Variants in KAZN observed in about 807,000 individuals in gnomAD.
KAZN encodes the protein kazrin.
Under a neutral mutation model 87.4 loss-of-function variants are expected in KAZN, and 40 were observed. The observed-to-expected ratio is 0.46, with a 90% CI of 0.36 to 0.60. The LOEUF (loss-of-function observed/expected upper bound fraction) is 0.60, where lower values mean the gene tolerates loss of function less well. KAZN is among the 20% of genes least tolerant of loss of function. The pLI is 0.00. For missense variants in KAZN, 898 were observed against 1,073.9 expected, an observed-to-expected ratio of 0.84 and a Z score of 2.29; for synonymous variants, 466 against 458.3, an observed-to-expected ratio of 1.02 and a Z score of -0.22.
intron 1 of KAZN, among the ~76,000 whole-genome samples, chr1:14,026,638 T>TA (rs1641084493): frequency 6.6e-6 from 1 of 152,186 alleles, no homozygotes; most frequent in Non-Finnish European, 1.5e-5. Flanking sequence ...TCTTAGCCTT[T>TA]AATGTGCTTA....
Position 14,168,581 on chromosome 1 carries a change from A to C in KAZN, c.92-11854A>C, listed in dbSNP as rs943335661. 9.2e-5 allele frequency among the ~76,000 whole-genome samples: 14 copies of C among 152,220 alleles called. 1 individual carries two copies. The highest frequency in any genetic ancestry group is 4.4e-5 in the Non-Finnish European group (3 of 68,016). ...GCTTCCTCATGGCAACAGTGGATGG[A>C]GATGATGCTACCCATTACAGGCTAT... On this transcript the variant is annotated intron_variant, in intron 1 of 16. Coordinates refer to the KAZN transcript ENST00000636203.
chr1:14,962,465 A>T (rs1164276017), intron 2 of KAZN, among the ~76,000 whole-genome samples: 2 of 152,150 alleles, frequency 1.3e-5, no homozygotes, highest in Non-Finnish European at 2.9e-5. Context: ...CTTTTCCTCT[A>T]TGCAGCCACC....
Position 15,024,415 on chromosome 1 carries a change from G to T in KAZN, c.419-10334G>T, listed in dbSNP as rs556476996. On this transcript the variant is annotated intron_variant, in intron 2 of 14. Coordinates refer to ENST00000376030, the MANE Select transcript of KAZN (RefSeq NM_201628.3). Reference sequence around the variant, plus strand: ...ACGGTCAACCCTTTTGAACATTTTTGTTCCAAAAGGAAGAAGAGAAATGGA... The same window carrying T: ...ACGGTCAACCCTTTTGAACATTTTTTTTCCAAAAGGAAGAAGAGAAATGGA... Among the ~76,000 whole-genome samples the T allele has an allele frequency of 6.2e-4, 94 of 152,360 alleles. 1 individual carries two copies. Among genetic ancestry groups the T allele is most frequent in the African/African-American group, 1.9e-3 (79 of 41,590 alleles).
In KAZN at chr1:14,223,352, G is replaced by C. The variant is rs532182914; in HGVS notation, c.249+42760G>C. Among the ~76,000 whole-genome samples the C allele has an allele frequency of 3.6e-4, 55 of 152,274 alleles. 1 individual carries two copies. Among genetic ancestry groups the C allele is most frequent in the African/African-American group, 1.2e-3 (50 of 41,562 alleles). The stretch of plus-strand genomic sequence containing the variant: ...TATAGTAGGCTTTTTCCTGGCACAG[G>C]CTGTGATCCCAGTGCCAATGCCTAA... On this transcript the variant is annotated intron_variant, in intron 2 of 16. Transcript: ENST00000636203.
chr1:14,494,709 T>C (rs989333206), intron 2 of KAZN, among the ~76,000 whole-genome samples: 1 of 152,136 alleles, frequency 6.6e-6, no homozygotes, highest in Admixed American at 6.6e-5. Context: ...AAAACCAAAA[T>C]CTCCAGGAAG....
chr1:15,108,379 C>A (rs916703782), intron 13 of KAZN, among the ~76,000 whole-genome samples: 2 of 152,206 alleles, frequency 1.3e-5, no homozygotes, highest in African/African-American at 4.8e-5. Context: ...TGGGACCCAG[C>A]GGGGCCTTTG....
intron 1 of KAZN, among the ~76,000 whole-genome samples, chr1:14,015,672 A>G (rs1183249728): frequency 6.8e-6 from 1 of 148,092 alleles, no homozygotes; most frequent in Admixed American, 6.7e-5. Context: ...GCACTTTGGG[A>G]GGCTGAGGCA....
At chr1:14,682,327 G>A (rs1217871054) in intron 1 of KAZN, among the ~76,000 whole-genome samples, 1 of 147,840 alleles carries the variant, frequency 6.8e-6, no homozygotes, top group Non-Finnish European at 1.5e-5. Flanking sequence ...TTGCTCGGTT[G>A]CTCAGGGTGG....
intron 1 of KAZN, among the ~76,000 whole-genome samples, chr1:14,916,317 G>A (rs372453158): frequency 1.3e-5 from 2 of 151,910 alleles, no homozygotes; most frequent in Non-Finnish European, 2.9e-5. Context: ...TTACAGGTGT[G>A]TGCCACCATG....
chr1:14,304,715 C>T (rs1654797163), intron 2 of KAZN: 2 of 398,132 alleles, frequency 5.0e-6, no homozygotes, highest in Non-Finnish European at 4.4e-6. Flanking sequence ...TATAACCACT[C>T]GAAATCTCTT....
At chr1:14,943,007 GGTGTGT>G (rs58102946) in intron 1 of KAZN, among the ~76,000 whole-genome samples, 4,645 of 100,744 alleles carry the variant, frequency 0.046, 206 homozygotes, top group African/African-American at 0.098. Context: ...GTGTGTGTGT[GGTGTGT>G]GTGTGTGTGT....
chr1:14,708,000 A>G (rs1010621484), intron 1 of KAZN, among the ~76,000 whole-genome samples: 2 of 94,078 alleles, frequency 2.1e-5, no homozygotes, highest in Admixed American at 1.2e-4. Flanking sequence ...GAACGGTAAG[A>G]AAGTGTTCAT....
rs1341040387 is a variant in KAZN at position 14,949,569 on chromosome 1, C to T, written c.227-11115C>T. Among the ~76,000 whole-genome samples, 2 of 152,338 alleles carry T rather than the reference C, an allele frequency of 1.3e-5. No homozygotes were observed. The highest frequency in any genetic ancestry group is 1.9e-4 in the East Asian group (1 of 5,184). ...ATGGTGTTTTTCGAGATTCACATTC[C>T]TCCTGGTGCCAGAAGCACCTGCCAA... On this transcript the variant is annotated intron_variant, in intron 1 of 14. Transcript: ENST00000376030. This position sits in a 1 kb window ranked among gnomAD's most constrained non-coding sequence, Gnocchi z 4.3.
chr1:14,842,421 A>T (rs1225791939), intron 1 of KAZN, among the ~76,000 whole-genome samples: 2 of 152,182 alleles, frequency 1.3e-5, no homozygotes, highest in African/African-American at 2.4e-5. Context: ...GAGAAGACTG[A>T]GGGTCTTGCC....
chr1:14,806,829 A>G (rs974197293), intron 1 of KAZN, among the ~76,000 whole-genome samples: 1 of 152,182 alleles, frequency 6.6e-6, no homozygotes, highest in African/African-American at 2.4e-5. Context: ...TTGAATCCAG[A>G]TAGTCTGGGT....
At chr1:14,523,097 C>T (rs147336725) in intron 2 of KAZN, among the ~76,000 whole-genome samples, 142 of 152,270 alleles carry the variant, frequency 9.3e-4, no homozygotes, top group East Asian at 9.1e-3. Flanking sequence ...GTTGAGGCTG[C>T]GGCTTCCACA....
chr1:14,199,020 T>C (rs914893971), intron 2 of KAZN, among the ~76,000 whole-genome samples: 1 of 152,068 alleles, frequency 6.6e-6, no homozygotes, highest in East Asian at 1.9e-4. Flanking sequence ...GTTTGAGAGA[T>C]AGTCTGGAAG....
At chr1:14,781,286 C>T (rs982476058) in intron 1 of KAZN, among the ~76,000 whole-genome samples, 3 of 152,170 alleles carry the variant, frequency 2.0e-5, no homozygotes, top group Non-Finnish European at 4.4e-5. Flanking sequence ...CGCGCCACTG[C>T]GCTCCAACCT....
chr1:14,217,837 A>G (rs1298887126), intron 2 of KAZN, among the ~76,000 whole-genome samples: 1 of 152,136 alleles, frequency 6.6e-6, no homozygotes, highest in Admixed American at 6.5e-5. Context: ...TCAGGCTTTC[A>G]GTAGACTTTC....
Sources: gnomAD v4.1 joint callset for allele counts (sites outside exome capture counted in the v4.1 genomes callset) on GRCh38, gnomAD v4.1.1 for gene constraint, Gnocchi (gnomAD v3.1) non-coding constraint, MANE v1.5 for transcripts, NCBI Gene and HGNC (gene_info 2026-07-23, HGNC 2026-07-21) for gene names.